Variants in REST observed in about 807,000 individuals in gnomAD.
The protein encoded by REST is RE1 silencing transcription factor, also known as RE1-silencing transcription factor.
Under a neutral mutation model 30.4 loss-of-function variants are expected in REST, and 1 was observed. The ratio of observed to expected loss-of-function variants is 0.03; its 90% CI spans 0.01 to 0.16. The LOEUF (loss-of-function observed/expected upper bound fraction) is 0.16, where lower values mean the gene tolerates loss of function less well. REST is among the 10% of genes least tolerant of loss of function. The probability of loss-of-function intolerance (pLI) is 1.00; values close to 1 mark genes in which losing one functional copy is unlikely to be tolerated. For synonymous variants in REST, 504 were observed against 451.1 expected (o/e 1.12, Z -1.49); for missense variants, 1,259 against 1,329.5 (o/e 0.95, Z 0.82).
At position 56,921,909 on chromosome 4, in the gene REST, A is replaced by G. The variant is rs2109551434; in HGVS notation, c.982+2039A>G. Among the ~76,000 whole-genome samples, 3 of 152,354 alleles carry G rather than the reference A, an allele frequency of 2.0e-5. No individual in the cohort carries two copies. The South Asian group carries it at 6.2e-4, about 32-fold the overall frequency. ...TATGACTACTAGAAAATTTAAGATT[A>G]CATGTGTGATATGCATTATATTTCT... On this transcript the variant is annotated intron_variant, in intron 3 of 3. Coordinates refer to ENST00000309042, the MANE Select transcript of REST (RefSeq NM_005612.5).
chr4:56,919,283 G>A (rs966723899), intron 2 of REST, among the ~76,000 whole-genome samples: 1 of 151,942 alleles, frequency 6.6e-6, no homozygotes, highest in Non-Finnish European at 1.5e-5. Flanking sequence ...TCTACCACTT[G>A]AAAATTTTTA....
At chr4:56,915,854 A>G (rs1237064664) in intron 2 of REST, among the ~76,000 whole-genome samples, 2 of 152,192 alleles carry the variant, frequency 1.3e-5, no homozygotes, top group Non-Finnish European at 2.9e-5. Flanking sequence ...CATTGAGGAA[A>G]ATAGCATCTG....
chr4:56,930,495 A>G lies in REST; in HGVS notation c.1637A>G (p.Lys546Arg), dbSNP rs562997282. Residue 546 changes from lysine to arginine, a missense_variant, in exon 4 of 4, where the codon AAG becomes AGG. Coordinates refer to ENST00000309042, the MANE Select transcript of REST (RefSeq NM_005612.5). ...DEESSTKKKK[K>R]VESKSKNNSQ... The stretch of plus-strand genomic sequence containing the variant: ...GAATCTTCAACAAAAAAGAAAAAGA[A>G]GGTAGAAAGCAAATCCAAAAATAAT... 2.6e-5 allele frequency: 42 copies of G among 1,612,082 alleles called. 1 individual carries two copies. In the South Asian group the frequency reaches 3.8e-4, roughly 14 times the overall value.
At position 56,929,134 on chromosome 4, in the gene REST, C is replaced by A. The variant is rs531472718; in HGVS notation, c.983-707C>A. ...CTAGGCTGGAGTGAAGTAGTGCGAT[C>A]TCAGCTCACTGCAACCTCTGCCTCC... On this transcript the variant is annotated intron_variant, in intron 3 of 3. Coordinates refer to ENST00000309042, the MANE Select transcript of REST (RefSeq NM_005612.5). Among the ~76,000 whole-genome samples the A allele has an allele frequency of 2.0e-3, 293 of 150,132 alleles. 1 individual carries two copies. The highest frequency in any genetic ancestry group is 7.0e-3 in the African/African-American group (284 of 40,684).
chr4:56,922,893 A>G (rs1482333122), intron 3 of REST, among the ~76,000 whole-genome samples: 3 of 152,242 alleles, frequency 2.0e-5, no homozygotes, highest in Non-Finnish European at 4.4e-5. Flanking sequence ...TGGTTGACCC[A>G]TTAATATAAT....
chr4:56,912,592 G>A (rs1719984087), intron 2 of REST, among the ~76,000 whole-genome samples: 2 of 151,826 alleles, frequency 1.3e-5, no homozygotes. Flanking sequence ...TTGGCTCACT[G>A]CAACCTCTGT....
rs542866271 is a variant in REST, at chr4:56,933,366, T to G, written c.*1214T>G. 1 of 152,194 alleles carries G rather than the reference T, an allele frequency of 6.6e-6. No individual in the cohort carries two copies. Among genetic ancestry groups the G allele is most frequent in the African/African-American group, 2.4e-5 (1 of 41,448 alleles). The allele number at this position is 152,194 out of a possible 1,614,324, so 9.4% of individuals were successfully genotyped here. On this transcript the variant is annotated 3_prime_UTR_variant, in exon 4 of 4. Transcript: ENST00000309042. ...ACTACAAACCTGGAATTAGGAGATA[T>G]AATTATTCCTTCAAGTTTTATAGAA...
intron 3 of REST, among the ~76,000 whole-genome samples, chr4:56,924,004 A>G (rs1435363044): frequency 6.6e-6 from 1 of 152,050 alleles, no homozygotes; most frequent in Non-Finnish European, 1.5e-5. Context: ...TACAGGCGTG[A>G]GCCACCACAC....
intron 1 of REST, chr4:56,908,929 A>T (rs976119573): frequency 6.6e-6 from 1 of 151,262 alleles, no homozygotes; most frequent in African/African-American, 2.4e-5. Context: ...TCGGAGCCCG[A>T]CGCCTCGCGA....
chr4:56,918,947 A>T (rs1387648966), intron 2 of REST, among the ~76,000 whole-genome samples: 1 of 148,872 alleles, frequency 6.7e-6, no homozygotes, highest in Non-Finnish European at 1.5e-5. Context: ...TTGGGGTTAC[A>T]GTCAGGGGCC....
chr4:56,929,297 C>T (rs1286354107), intron 3 of REST, among the ~76,000 whole-genome samples: 1 of 152,052 alleles, frequency 6.6e-6, no homozygotes, highest in Non-Finnish European at 1.5e-5. Flanking sequence ...TTTCAAACTC[C>T]TGGCCTCAAG....
Position 56,930,213 on chromosome 4 carries a change from A to G in REST, c.1355A>G (p.Lys452Arg), listed in dbSNP as rs555004124. ...TNEKTEIEQT[K>R]IKGDVAGKKN... ...GAAAAAACAGAAATAGAACAAACAAAAATAAAAGGGGATGTGGCTGGAAAG... is the reference window on the plus strand; with the variant it reads ...GAAAAAACAGAAATAGAACAAACAAGAATAAAAGGGGATGTGGCTGGAAAG... Residue 452 changes from lysine to arginine, a missense_variant, in exon 4 of 4, where the codon AAA (lysine) becomes AGA (arginine). Coordinates refer to ENST00000309042, the MANE Select transcript of REST (RefSeq NM_005612.5). The G allele has an allele frequency of 1.0e-5, 16 of 1,606,594 alleles. No individual in the cohort carries two copies. In the South Asian group the frequency reaches 1.8e-4, roughly 18 times the overall value.
chr4:56,922,327 T>C (rs1720493327), intron 3 of REST: 1 of 148,780 alleles, frequency 6.7e-6, no homozygotes, highest in African/African-American at 2.5e-5. Flanking sequence ...TTTTTTTTTT[T>C]TCTGAGATGG....
At chr4:56,921,447 C>T (rs1420916685) in intron 3 of REST, among the ~76,000 whole-genome samples, 5 of 151,912 alleles carry the variant, frequency 3.3e-5, no homozygotes, top group Non-Finnish European at 5.9e-5. Flanking sequence ...CTTGCTGTAT[C>T]CCCCAGGCTG....
At position 56,932,443 on chromosome 4, in the gene REST, C is replaced by T. The variant is rs1050040609; in HGVS notation, c.*291C>T. The T allele has an allele frequency of 7.9e-6, 2 of 254,278 alleles. No homozygotes were observed. The highest frequency in any genetic ancestry group is 1.6e-4 in the East Asian group (2 of 12,614). 15.8% of individuals were successfully genotyped at this position (254,278 alleles called of 1,614,324 possible). ...ATTTTATTGCTTTGTCCAGCTACAA[C>T]TTGTCATTTTTTTCTCCATGTCTTA... is the stretch of plus-strand genomic sequence containing the variant. On this transcript the variant is annotated 3_prime_UTR_variant, in exon 4 of 4. Coordinates refer to ENST00000309042, the MANE Select transcript of REST (RefSeq NM_005612.5).
At chr4:56,924,030 T>C (rs1182894605) in intron 3 of REST, among the ~76,000 whole-genome samples, 1 of 152,102 alleles carries the variant, frequency 6.6e-6, no homozygotes, top group Non-Finnish European at 1.5e-5. Context: ...CAATATCCTA[T>C]TTCTTTCTAT....
At chr4:56,908,622 C>A (rs1719735339) in intron 1 of REST, among the ~76,000 whole-genome samples, 1 of 152,132 alleles carries the variant, frequency 6.6e-6, no homozygotes, top group African/African-American at 2.4e-5. Flanking sequence ...CCCGCGCCGG[C>A]CCGCGGCCCT....
chr4:56,916,572 G>A (rs1720207047), intron 2 of REST, among the ~76,000 whole-genome samples: 2 of 152,150 alleles, frequency 1.3e-5, no homozygotes, highest in Non-Finnish European at 2.9e-5. Context: ...AAGAGGCAGA[G>A]GTTGCAGTGA....
Sources: allele counts gnomAD v4.1 joint callset (sites outside exome capture counted in the v4.1 genomes callset), GRCh38; gene constraint gnomAD v4.1.1; transcripts MANE v1.5; gene names NCBI Gene and HGNC (gene_info 2026-07-23, HGNC 2026-07-21).